Variants in KLRG1 observed in about 807,000 individuals in gnomAD.
KLRG1 encodes killer cell lectin like receptor G1, also known as killer cell lectin-like receptor subfamily G member 1.
In KLRG1, 16 loss-of-function variants were observed where a neutral mutation model predicts 21.8. That is an observed-to-expected ratio of 0.73 (90% confidence interval 0.50 to 1.11). KLRG1 has a LOEUF of 1.11. Among genes scored for constraint, KLRG1 ranks in the 50% most tolerant of loss-of-function variants. The pLI, the probability that KLRG1 is intolerant of heterozygous loss-of-function variation, is 0.00. For missense variants in KLRG1, 173 were observed against 218.3 expected (o/e 0.79, Z 1.31); for synonymous variants, 69 against 75.9 (o/e 0.91, Z 0.47).
the KLRG1 span, chr12:9,113,633 A>T: frequency 7.8e-7 from 1 of 1,280,360 alleles, no homozygotes. Flanking sequence ...AATTATCATC[A>T]TCAGTTCTAC....
intron 1 of KLRG1, among the ~76,000 whole-genome samples, chr12:8,978,970 C>T (rs1162714892): frequency 6.6e-6 from 1 of 151,496 alleles, no homozygotes; most frequent in African/African-American, 2.4e-5. Flanking sequence ...CTGCTTCAGC[C>T]TCCCAAAGTG....
chr12:9,071,050 C>A, the KLRG1 span, among the ~76,000 whole-genome samples: 1 of 151,990 alleles, frequency 6.6e-6, no homozygotes. Context: ...GAACTCCCGA[C>A]CTAAGGTAAT....
At chr12:9,198,626 ATG>A in the KLRG1 span, among the ~76,000 whole-genome samples, 1 of 152,172 alleles carries the variant, frequency 6.6e-6, no homozygotes, top group African/African-American at 2.4e-5. Context: ...TAGTGGGGTT[ATG>A]TGTGTGTGCA....
At chr12:9,101,362 A>G in the KLRG1 span, 2 of 1,353,954 alleles carry the variant, frequency 1.5e-6, no homozygotes, top group Non-Finnish European at 2.1e-6. Flanking sequence ...AGTTGAAGTA[A>G]TGACATCTAA....
chr12:9,138,335 C>T, the KLRG1 span, among the ~76,000 whole-genome samples: 1 of 151,948 alleles, frequency 6.6e-6, no homozygotes, highest in Non-Finnish European at 1.5e-5. Flanking sequence ...CTGAACCATC[C>T]TTGCATCCTG....
At chr12:9,206,389 A>G in the KLRG1 span, among the ~76,000 whole-genome samples, 3 of 152,132 alleles carry the variant, frequency 2.0e-5, no homozygotes, top group African/African-American at 7.2e-5. Context: ...TTTTTTTAAC[A>G]GATATTGAAA....
the KLRG1 span, among the ~76,000 whole-genome samples, chr12:9,172,779 A>G: frequency 2.8e-5 from 4 of 141,228 alleles, no homozygotes; most frequent in African/African-American, 1.3e-4. Context: ...AGAGCTAACT[A>G]TCCTAAATAT....
chr12:9,141,703 T>C, the KLRG1 span, among the ~76,000 whole-genome samples: 3 of 152,246 alleles, frequency 2.0e-5, no homozygotes, highest in East Asian at 1.9e-4. Context: ...ATAATCTTTT[T>C]ACCAAAAGTA....
At chr12:9,097,277 AAC>A in the KLRG1 span, among the ~76,000 whole-genome samples, 4 of 145,482 alleles carry the variant, frequency 2.7e-5, no homozygotes, top group African/African-American at 1.0e-4. Flanking sequence ...ACAAGTAAGA[AAC>A]ATTTTTTTAT....
chr12:9,163,677 C>T, the KLRG1 span: 1 of 1,613,594 alleles, frequency 6.2e-7, no homozygotes, highest in Non-Finnish European at 8.5e-7. Flanking sequence ...CCTCCACCAA[C>T]AGGGTTTTGA....
the KLRG1 span, among the ~76,000 whole-genome samples, chr12:9,082,407 G>T: frequency 6.6e-5 from 10 of 152,170 alleles, no homozygotes; most frequent in African/African-American, 2.4e-4. Context: ...CAGTGATCTT[G>T]CCAGAGAGCA....
intron 1 of KLRG1, among the ~76,000 whole-genome samples, chr12:8,961,460 T>C (rs767285466): frequency 0.016 from 2,491 of 152,288 alleles, 79 homozygotes; most frequent in African/African-American, 0.057. Context: ...TTGCCCAGAC[T>C]GGAGTGCAAT....
chr12:9,069,662 C>G, the KLRG1 span: 1 of 1,020,528 alleles, frequency 9.8e-7, no homozygotes, highest in Non-Finnish European at 1.5e-6. Flanking sequence ...AGTGATGTTT[C>G]TAAAATGCAT....
chr12:9,090,610 G>T, the KLRG1 span: 1 of 924,442 alleles, frequency 1.1e-6, no homozygotes, highest in Non-Finnish European at 1.6e-6. Flanking sequence ...TATAAATGAA[G>T]ATCAAGTACC....
chr12:8,994,407 A>G (rs1276828655), intron 2 of KLRG1, among the ~76,000 whole-genome samples: 1 of 152,162 alleles, frequency 6.6e-6, no homozygotes, highest in African/African-American at 2.4e-5. Context: ...CAACCATTTT[A>G]AAGGAATGTG....
chr12:9,089,677 G>C, the KLRG1 span, among the ~76,000 whole-genome samples: 22 of 152,220 alleles, frequency 1.4e-4, no homozygotes, highest in Non-Finnish European at 2.2e-4. Flanking sequence ...GGAGGCGGAG[G>C]TTGCAGTGAG....
chr12:9,029,744 G>C, the KLRG1 span, among the ~76,000 whole-genome samples: 2 of 151,640 alleles, frequency 1.3e-5, no homozygotes, highest in African/African-American at 2.4e-5. Context: ...TTTCTAATAA[G>C]TCTGTATTTT....
chr12:9,150,860 C>T, the KLRG1 span: 1 of 697,336 alleles, frequency 1.4e-6, no homozygotes, highest in East Asian at 2.8e-5. Context: ...TTTAGGTGAC[C>T]AGACATTTGT....
At chr12:9,093,626 GC>G in the KLRG1 span, 2 of 1,047,892 alleles carry the variant, frequency 1.9e-6, no homozygotes, top group Non-Finnish European at 2.7e-6. Context: ...TACAGATAAA[GC>G]TTATGAGAGA....
Sources: gnomAD v4.1 joint callset for allele counts (sites outside exome capture counted in the v4.1 genomes callset) on GRCh38, gnomAD v4.1.1 for gene constraint, MANE v1.5 for transcripts, NCBI Gene and HGNC (gene_info 2026-07-23, HGNC 2026-07-21) for gene names.